Variants in S100A1 observed in about 807,000 individuals in gnomAD.
The protein encoded by S100A1 is protein S100-A1.
A neutral mutation model predicts 7.6 loss-of-function variants in S100A1; 3 were observed. That is an observed-to-expected ratio of 0.40 (90% CI 0.18 to 1.02). S100A1 has a LOEUF of 1.02. Among genes scored for constraint, S100A1 ranks in the 50% least tolerant of loss-of-function variants. The probability of loss-of-function intolerance (pLI) is 0.35; values close to 1 mark genes in which losing one functional copy is unlikely to be tolerated. For missense variants in S100A1, 126 were observed against 115.0 expected, an observed-to-expected ratio of 1.10 and a Z score of -0.44; for synonymous variants, 49 against 49.0, an observed-to-expected ratio of 1.00 and a Z score of 0.00.
intron 2 of S100A1, 50 bp from the exon 3 acceptor site, chr1:153,631,648 G>A: frequency 6.2e-7 from 1 of 1,613,768 alleles, no homozygotes; most frequent in South Asian, 1.1e-5. Context: ...CTCTGACTCA[G>A]TGCTGTACCC....
At chr1:153,628,564 G>C (rs1318224855) in intron 1 of S100A1, 68 bp downstream of exon 1, 1 of 1,538,400 alleles carries the variant, frequency 6.5e-7, no homozygotes, top group Non-Finnish European at 8.8e-7. Flanking sequence ...CTTCAGAAGG[G>C]CTCCAAGAGG....
At position 153,630,650 on chromosome 1, in the gene S100A1, T is replaced by A. The variant is rs923596649; in HGVS notation, c.129T>A (p.Ser43=). 2 of 1,614,056 alleles carry A rather than the reference T, an allele frequency of 1.2e-6. No individual in the cohort carries two copies. Among genetic ancestry groups the A allele is most frequent in the African/African-American group, 1.3e-5 (1 of 74,946 alleles). The part of the protein sequence containing the change: ...ELKELLQTEL[S]GFLDAQKDVD... Reference sequence around the variant, plus strand: ...AAGAGCTGCTGCAGACGGAGCTCTCTGGCTTCCTGGATGTGAGCATAGAGT... The same window carrying A: ...AAGAGCTGCTGCAGACGGAGCTCTCAGGCTTCCTGGATGTGAGCATAGAGT... Residue 43 remains serine, a synonymous_variant, in exon 2 of 3, where the codon TCT becomes TCA. Transcript: ENST00000292169.
intron 1 of S100A1, chr1:153,628,938 C>T (rs928686548): frequency 6.0e-6 from 1 of 166,754 alleles, no homozygotes; most frequent in South Asian, 1.6e-4. Context: ...TCTGCCACCC[C>T]CACCCTGCCT....
intron 1 of S100A1, 198 bp downstream of exon 1, chr1:153,628,694 A>G (rs907041854): frequency 5.4e-6 from 5 of 927,402 alleles, no homozygotes; most frequent in South Asian, 2.3e-5. Flanking sequence ...AATGAACTGA[A>G]GGTCGGAGAG....
chr1:153,631,445 G>A, intron 2 of S100A1: 4 of 1,560,240 alleles, frequency 2.6e-6, no homozygotes, highest in South Asian at 1.2e-5. Context: ...AGCTCCTAGT[G>A]TAGTGCTTGC....
rs371824440 is a variant in S100A1 at position 153,628,732 on chromosome 1, G to A, written c.-14+236G>A. ...AGCTGGCAGCTCAGCAAAGGAGGAA[G>A]CCAGTGGGGAACCCACCATGAGCTT... On this transcript the variant is annotated intron_variant, in intron 1 of 2. Transcript: ENST00000292169. 9 of 694,416 alleles carry A rather than the reference G, an allele frequency of 1.3e-5. No homozygotes were observed. The East Asian group carries it at 2.3e-4, about 18-fold the overall frequency. The allele number at this position is 694,416 out of a possible 1,614,324, so 43.0% of individuals were successfully genotyped here.
rs1187806207 is a variant in S100A1 at position 153,630,645 on chromosome 1, C to T, written c.124C>T (p.Leu42Phe). ...GCTGAAAGAGCTGCTGCAGACGGAG[C>T]TCTCTGGCTTCCTGGATGTGAGCAT... ...KELKELLQTELSGFLDAQKDV... is the reference protein window; with the variant it reads ...KELKELLQTEFSGFLDAQKDV... Residue 42 changes from leucine (L) to phenylalanine (F), a missense_variant, in exon 2 of 3, where the codon CTC (leucine) becomes TTC (phenylalanine). Physicochemically the swap from Leu to Phe is conservative, Grantham distance 22. Transcript: ENST00000292169. 1.2e-6 allele frequency: 2 copies of T among 1,614,202 alleles called. No individual in the cohort carries two copies. Among genetic ancestry groups the T allele is most frequent in the Admixed American group, 3.3e-5 (2 of 60,030 alleles).
At chr1:153,631,675 C>T (rs781531047) in intron 2 of S100A1, 23 bp from the exon 3 acceptor site, 19 of 1,614,086 alleles carry the variant, frequency 1.2e-5, no homozygotes, top group Non-Finnish European at 1.5e-5. Context: ...ATACACCTCC[C>T]TCTTCCTCTC....
intron 2 of S100A1, 65 bp downstream of exon 2, chr1:153,630,727 CCTTGCT>C: frequency 1.3e-6 from 2 of 1,574,590 alleles, no homozygotes; most frequent in African/African-American, 1.3e-5. Flanking sequence ...GTGGACACCC[CCTTGCT>C]ATCTCCCCAC....
intron 1 of S100A1, chr1:153,629,483 G>A (rs968060696): frequency 6.6e-6 from 1 of 152,274 alleles, no homozygotes; most frequent in African/African-American, 2.4e-5. Flanking sequence ...TGCCCCCTCT[G>A]GGGTTGTGGA....
chr1:153,630,764 G>C, intron 2 of S100A1, 102 bp downstream of exon 2: 1 of 1,450,218 alleles, frequency 6.9e-7, no homozygotes, highest in Admixed American at 2.3e-5. Flanking sequence ...GCTCAGCCTA[G>C]CCTCTTTCTT....
At chr1:153,629,017 G>A (rs192147557) in intron 1 of S100A1, 1 of 156,828 alleles carries the variant, frequency 6.4e-6, no homozygotes, top group Admixed American at 6.1e-5. Context: ...TGGGGAAGCA[G>A]AGATGTAGGG....
intron 2 of S100A1, chr1:153,631,230 G>C: frequency 1.9e-6 from 1 of 521,630 alleles, no homozygotes; most frequent in Non-Finnish European, 3.4e-6. Context: ...CCAAAGTAAA[G>C]AAGCCTCAGG....
Position 153,631,839 on chromosome 1 carries a change from T to C in S100A1, c.283T>C (p.Ter95ArgextTer32). 1 of 1,613,710 alleles carries C rather than the reference T, an allele frequency of 6.2e-7. No homozygotes were observed. Among genetic ancestry groups the C allele is most frequent in the Non-Finnish European group, 8.5e-7 (1 of 1,179,960 alleles). Residue 95 changes from the stop codon to arginine, a stop_lost, in exon 3 of 3, where the codon TGA becomes CGA. Transcript: ENST00000292169. Reference protein sequence around the residue: ...ACNNFFWENS* With the variant: ...ACNNFFWENSR The stretch of plus-strand genomic sequence containing the variant: ...TAACAATTTCTTCTGGGAGAACAGT[T>C]GAGCAGACAGCCACATTGGGCAGCG...
intron 1 of S100A1, chr1:153,628,722 AAAG>A (rs1012542082): frequency 4.5e-5 from 34 of 759,260 alleles, no homozygotes; most frequent in Non-Finnish European, 6.1e-5. Flanking sequence ...GCAGCTCAGC[AAAG>A]GAGGAAGCCA....
rs557514823 is a variant in S100A1, at chr1:153,631,599, C to T, written c.142-99C>T. 12 of 1,613,790 alleles carry T rather than the reference C, an allele frequency of 7.4e-6. No homozygotes were observed. In the African/African-American group the frequency reaches 1.3e-4, roughly 18 times the overall value. On this transcript the variant is annotated intron_variant, in intron 2 of 2. Coordinates refer to ENST00000292169, the MANE Select transcript of S100A1 (RefSeq NM_006271.2). ...TCCCATAATTCAATGCAGTTCCTCT[C>T]GCTCATCTTTGCCTCCTGCTCCTCA...
chr1:153,631,324 T>A, intron 2 of S100A1: 1 of 824,306 alleles, frequency 1.2e-6, no homozygotes, highest in Non-Finnish European at 1.9e-6. Flanking sequence ...TGTGGGACTT[T>A]GGGCATATTT....
rs1183938886 is a variant in S100A1 at position 153,631,930 on chromosome 1, C to T, written c.*89C>T. 2 of 1,515,842 alleles carry T rather than the reference C, an allele frequency of 1.3e-6. No homozygotes were observed. Among genetic ancestry groups the T allele is most frequent in the East Asian group, 2.3e-5 (1 of 44,184 alleles). The allele number at this position is 1,515,842 out of a possible 1,614,324, so 93.9% of individuals were successfully genotyped here. A position where few individuals can be genotyped will look rare whatever the true frequency, so the allele number is the denominator to read the frequency against. On this transcript the variant is annotated 3_prime_UTR_variant, in exon 3 of 3. Transcript: ENST00000292169. Reference sequence around the variant, plus strand: ...CTTCCACCTCACCCCACTTATCCCTCTCCATAACCCCACCCTTGCCCACCC... The same window carrying T: ...CTTCCACCTCACCCCACTTATCCCTTTCCATAACCCCACCCTTGCCCACCC...
At chr1:153,629,562 ACTCCTTT>A (rs1170484622) in intron 1 of S100A1, 2 of 151,156 alleles carry the variant, frequency 1.3e-5, no homozygotes, top group Non-Finnish European at 2.9e-5. Context: ...TCAACAGACC[ACTCCTTT>A]CTCCTTTCTT....
Sources: gnomAD v4.1 joint callset for allele counts on GRCh38, gnomAD v4.1.1 for gene constraint, MANE v1.5 for transcripts, NCBI Gene and HGNC (gene_info 2026-07-23, HGNC 2026-07-21) for gene names.